Variants in PPP2R3C observed in about 807,000 individuals in gnomAD.
PPP2R3C encodes the protein serine/threonine-protein phosphatase 2A regulatory subunit B'' subunit gamma.
A neutral mutation model predicts 63.7 loss-of-function variants in PPP2R3C; 47 were observed. The observed-to-expected ratio is 0.74, with a 90% CI of 0.58 to 0.94. PPP2R3C has a LOEUF of 0.94. Ranked by LOEUF, PPP2R3C falls within the 40% of genes least tolerant of loss-of-function variation. PPP2R3C has a pLI of 0.00. For missense variants in PPP2R3C, 421 were observed against 518.4 expected (o/e 0.81, Z 1.82); for synonymous variants, 180 against 177.4 (o/e 1.01, Z -0.12).
At chr14:35,117,843 T>C (rs1047091814) in intron 1 of PPP2R3C, among the ~76,000 whole-genome samples, 7 of 152,068 alleles carry the variant, frequency 4.6e-5, no homozygotes, top group Non-Finnish European at 1.0e-4. Flanking sequence ...TACGGGCATG[T>C]GCCACCACGC....
intron 1 of PPP2R3C, among the ~76,000 whole-genome samples, chr14:35,121,545 TG>T (rs1351722646): frequency 6.6e-6 from 1 of 152,086 alleles, no homozygotes; most frequent in Non-Finnish European, 1.5e-5. Flanking sequence ...AAATATAAAA[TG>T]GATTACGAGG....
At chr14:35,106,007 TA>T (rs1283538005) in intron 6 of PPP2R3C, among the ~76,000 whole-genome samples, 2 of 151,474 alleles carry the variant, frequency 1.3e-5, no homozygotes, top group African/African-American at 4.9e-5. Flanking sequence ...CACGCCCGGC[TA>T]ATTTTTTTTT....
rs1242272316 is a variant in PPP2R3C, at chr14:35,099,253, T to A, written c.705A>T (p.Thr235=). 3.2e-6 allele frequency: 5 copies of A among 1,566,216 alleles called. No individual in the cohort carries two copies. Among genetic ancestry groups the A allele is most frequent in the Non-Finnish European group, 4.3e-6 (5 of 1,165,218 alleles). The change falls in exon 7 of 13, where the codon ACA becomes ACT. Residue 235 remains threonine, a splice_region_variant and synonymous_variant. Transcript: ENST00000261475. ...KFFFFLDPLR[T]GKIKIQDILA... The stretch of plus-strand genomic sequence containing the variant: ...AAGTTAGATAAGATTTTCTTTTACC[T>A]GTTCTTAAAGGATCTAAAAAGAAGA...
chr14:35,119,986 G>C (rs1229498465), intron 1 of PPP2R3C, among the ~76,000 whole-genome samples: 1 of 151,254 alleles, frequency 6.6e-6, no homozygotes. Context: ...TGAGTAGCTG[G>C]GACTACAGGC....
At chr14:35,118,167 C>T (rs989565086) in intron 1 of PPP2R3C, among the ~76,000 whole-genome samples, 6 of 152,052 alleles carry the variant, frequency 3.9e-5, no homozygotes, top group Middle Eastern at 3.4e-3. Context: ...GAATTCGAGA[C>T]GAGTACAGAT....
chr14:35,090,711 A>ATTTTTTTT (rs35890780), intron 11 of PPP2R3C, among the ~76,000 whole-genome samples: 8 of 110,352 alleles, frequency 7.2e-5, no homozygotes, highest in African/African-American at 1.1e-4. Flanking sequence ...GCATCTCACA[A>ATTTTTTTT]TTTTTTTTTT....
chr14:35,121,881 G>C, intron 1 of PPP2R3C, 21 bp downstream of exon 1: 1 of 1,613,922 alleles, frequency 6.2e-7, no homozygotes, highest in African/African-American at 1.3e-5. Flanking sequence ...ATCCCAACGG[G>C]CTGCCCCTCC....
At chr14:35,100,171 T>TC (rs2046140250) in intron 6 of PPP2R3C, 1 of 152,194 alleles carries the variant, frequency 6.6e-6, no homozygotes, top group Admixed American at 6.5e-5. Context: ...AGCTATATAT[T>TC]ATATCATTGC....
At chr14:35,089,676 T>C (rs2045727189) in intron 11 of PPP2R3C, among the ~76,000 whole-genome samples, 1 of 152,024 alleles carries the variant, frequency 6.6e-6, no homozygotes, top group Non-Finnish European at 1.5e-5. Context: ...ATTTTTTTTT[T>C]TCTTTTTGAG....
chr14:35,104,888 TGCTCA>T (rs1376872327), intron 6 of PPP2R3C, among the ~76,000 whole-genome samples: 2 of 152,084 alleles, frequency 1.3e-5, no homozygotes, highest in African/African-American at 4.8e-5. Flanking sequence ...TCTGCTACCA[TGCTCA>T]GCTAATGTTT....
chr14:35,099,826 G>A (rs1481582413), intron 6 of PPP2R3C: 3 of 148,104 alleles, frequency 2.0e-5, no homozygotes, highest in Non-Finnish European at 4.3e-5. Flanking sequence ...TGCAACCTCC[G>A]CCTCCCAAGT....
intron 6 of PPP2R3C, 97 bp downstream of exon 6, chr14:35,107,207 A>T: frequency 1.1e-6 from 1 of 914,520 alleles, no homozygotes; most frequent in East Asian, 2.4e-5. Flanking sequence ...ACAAAGTATT[A>T]TGAGAACAGC....
chr14:35,085,554 T>TATCTC lies in PPP2R3C; in HGVS notation c.*31_*35dup. On this transcript the variant is annotated 3_prime_UTR_variant, in exon 13 of 13. Coordinates refer to ENST00000261475, the MANE Select transcript of PPP2R3C (RefSeq NM_017917.4). ...AAAGGCTTTACATGCAGCATTCAAGTATCTCATAATATAAGACAGTCTAGT... is the reference window on the plus strand; with the variant it reads ...AAAGGCTTTACATGCAGCATTCAAGTATCTCATCTCATAATATAAGACAGTCTAGT... 1.3e-6 allele frequency: 2 copies of TATCTC among 1,516,864 alleles called. No homozygotes were observed. The highest frequency in any genetic ancestry group is 2.6e-5 in the South Asian group (2 of 78,206). 94.0% of individuals were successfully genotyped at this position (1,516,864 alleles called of 1,614,324 possible).
At chr14:35,112,063 A>G (rs1475372616) in intron 2 of PPP2R3C, among the ~76,000 whole-genome samples, 2 of 152,212 alleles carry the variant, frequency 1.3e-5, no homozygotes, top group East Asian at 3.8e-4. Context: ...CTTCCTGTCC[A>G]GCAAAAACCA....
chr14:35,110,486 A>G lies in PPP2R3C; in HGVS notation c.291+39T>C, dbSNP rs747687166. 5.2e-6 allele frequency: 7 copies of G among 1,342,206 alleles called. No individual in the cohort carries two copies. In the South Asian group the frequency reaches 8.5e-5, roughly 16 times the overall value. 83.1% of individuals were successfully genotyped at this position (1,342,206 alleles called of 1,614,324 possible). A position where few individuals can be genotyped will look rare whatever the true frequency, so the allele number is the denominator to read the frequency against. On this transcript the variant is annotated intron_variant, in intron 3 of 12. Coordinates refer to ENST00000261475, the MANE Select transcript of PPP2R3C (RefSeq NM_017917.4). ...ATGATTTAAGTAGCACAAATGAGAA[A>G]TGGTTAACATCTAAAGCAACTTTTT...
chr14:35,095,254 A>G, intron 9 of PPP2R3C, 70 bp from the exon 10 acceptor site: 3 of 1,501,598 alleles, frequency 2.0e-6, no homozygotes, highest in Non-Finnish European at 2.7e-6. Flanking sequence ...AGACTAACAA[A>G]AAGTTTTTTC....
chr14:35,117,588 C>G (rs1226538064), intron 1 of PPP2R3C, among the ~76,000 whole-genome samples: 1 of 152,174 alleles, frequency 6.6e-6, no homozygotes. Flanking sequence ...ATTCTGTGAT[C>G]TATTTTCTCA....
At chr14:35,113,270 T>C (rs1037656149) in intron 2 of PPP2R3C, 1 of 152,364 alleles carries the variant, frequency 6.6e-6, no homozygotes, top group East Asian at 1.9e-4. Context: ...CTCAAGATAA[T>C]AGGTGTTTTC....
At position 35,095,203 on chromosome 14, in the gene PPP2R3C, A is replaced by C. The variant is rs1396680351; in HGVS notation, c.839-19T>G. 6.2e-7 allele frequency: 1 copy of C among 1,606,204 alleles called. No homozygotes were observed. The highest frequency in any genetic ancestry group is 8.5e-7 in the Non-Finnish European group (1 of 1,176,540). ...TACTGGCCTTGGGAAGAAAAATAATAAAGACACTTATGACCACAATAAAAT... is the reference window on the plus strand; with the variant it reads ...TACTGGCCTTGGGAAGAAAAATAATCAAGACACTTATGACCACAATAAAAT... On this transcript the variant is annotated intron_variant, in intron 9 of 12. Transcript: ENST00000261475.
Sources: allele counts gnomAD v4.1 joint callset (sites outside exome capture counted in the v4.1 genomes callset), GRCh38; gene constraint gnomAD v4.1.1; transcripts MANE v1.5; gene names NCBI Gene and HGNC (gene_info 2026-07-23, HGNC 2026-07-21).